Variants in SAMTOR observed in about 807,000 individuals in gnomAD.
SAMTOR encodes the protein UPF0532 protein C7orf60.
the SAMTOR span, among the ~76,000 whole-genome samples, chr7:112,837,820 A>C: frequency 4.6e-5 from 7 of 151,944 alleles, no homozygotes; most frequent in Non-Finnish European, 8.8e-5. Flanking sequence ...TAACATTTTC[A>C]TCAATACATA....
At chr7:112,876,496 T>C in the SAMTOR span, among the ~76,000 whole-genome samples, 1 of 152,180 alleles carries the variant, frequency 6.6e-6, no homozygotes, top group Admixed American at 6.5e-5. Flanking sequence ...GAAATAACGC[T>C]AAGTTCAGCA....
At chr7:112,877,829 CA>C in the SAMTOR span, among the ~76,000 whole-genome samples, 759 of 152,248 alleles carry the variant, frequency 5.0e-3, 3 homozygotes, top group Middle Eastern at 0.034. Context: ...CGAAGTCCCC[CA>C]AACTTGCTCC....
chr7:112,934,124 C>T, the SAMTOR span, among the ~76,000 whole-genome samples: 10 of 152,172 alleles, frequency 6.6e-5, no homozygotes, highest in South Asian at 2.1e-4. Flanking sequence ...TACAGTTCTA[C>T]TACTGTGTTG....
At chr7:112,846,206 T>C in the SAMTOR span, among the ~76,000 whole-genome samples, 1 of 150,132 alleles carries the variant, frequency 6.7e-6, no homozygotes, top group African/African-American at 2.5e-5. Context: ...GGTATAGCTA[T>C]CCTGGTTTCT....
chr7:112,892,290 G>A, the SAMTOR span, among the ~76,000 whole-genome samples: 14 of 151,972 alleles, frequency 9.2e-5, no homozygotes, highest in African/African-American at 3.1e-4. Flanking sequence ...TCATCCATGA[G>A]GCTTGGAATA....
At chr7:112,851,132 T>TA in the SAMTOR span, among the ~76,000 whole-genome samples, 1 of 152,148 alleles carries the variant, frequency 6.6e-6, no homozygotes, top group East Asian at 1.9e-4. Context: ...TCAATATTGT[T>TA]AAAATGACTA....
the SAMTOR span, among the ~76,000 whole-genome samples, chr7:112,916,284 C>T: frequency 5.3e-5 from 8 of 152,254 alleles, no homozygotes; most frequent in African/African-American, 1.9e-4. Context: ...TAGGAGAATG[C>T]TATTGCTAAA....
At chr7:112,822,076 C>G in the SAMTOR span, 2 of 1,613,616 alleles carry the variant, frequency 1.2e-6, no homozygotes, top group Non-Finnish European at 1.7e-6. Flanking sequence ...GACTCTATAG[C>G]AATCTTCCAG....
the SAMTOR span, among the ~76,000 whole-genome samples, chr7:112,916,978 GGCCTGCCT>G: frequency 1.3e-5 from 2 of 152,324 alleles, no homozygotes; most frequent in East Asian, 3.9e-4. Context: ...AGCTCAAGGA[GGCCTGCCT>G]GCCTGCCTCT....
At chr7:112,930,947 A>G in the SAMTOR span, among the ~76,000 whole-genome samples, 1 of 152,212 alleles carries the variant, frequency 6.6e-6, no homozygotes, top group South Asian at 2.1e-4. Flanking sequence ...ACTTTCATGG[A>G]TATGAGCAAA....
chr7:112,934,864 T>C, the SAMTOR span, among the ~76,000 whole-genome samples: 1 of 152,234 alleles, frequency 6.6e-6, no homozygotes, highest in Non-Finnish European at 1.5e-5. Flanking sequence ...AACGATACCT[T>C]GTCACAAAGA....
chr7:112,828,890 T>C, the SAMTOR span, among the ~76,000 whole-genome samples: 1 of 152,146 alleles, frequency 6.6e-6, no homozygotes, highest in African/African-American at 2.4e-5. Flanking sequence ...CTAGGTGACT[T>C]TTTCCTTCAG....
the SAMTOR span, among the ~76,000 whole-genome samples, chr7:112,864,312 A>T: frequency 0.63 from 95,709 of 151,968 alleles, 32,381 homozygotes; most frequent in East Asian, 0.86. Context: ...TGATGAAATA[A>T]TCTGTACAAC....
the SAMTOR span, among the ~76,000 whole-genome samples, chr7:112,911,802 G>T: frequency 6.6e-6 from 1 of 151,852 alleles, no homozygotes; most frequent in Non-Finnish European, 1.5e-5. Flanking sequence ...GTTAATGATA[G>T]ATAAAAAAGC....
At chr7:112,837,903 G>A in the SAMTOR span, among the ~76,000 whole-genome samples, 34 of 151,976 alleles carry the variant, frequency 2.2e-4, no homozygotes, top group Middle Eastern at 3.4e-3. Context: ...CATTGAACTC[G>A]TGGCCAACAG....
chr7:112,908,985 C>T, the SAMTOR span, among the ~76,000 whole-genome samples: 21 of 152,200 alleles, frequency 1.4e-4, no homozygotes, highest in African/African-American at 5.1e-4. Flanking sequence ...GGTACTCCCA[C>T]CAGTTCCATG....
the SAMTOR span, among the ~76,000 whole-genome samples, chr7:112,883,796 C>G: frequency 6.6e-6 from 1 of 152,310 alleles, no homozygotes; most frequent in Admixed American, 6.5e-5. Flanking sequence ...TTTCTGACTT[C>G]CCACTATTTT....
At chr7:112,928,298 T>C in the SAMTOR span, among the ~76,000 whole-genome samples, 1 of 152,128 alleles carries the variant, frequency 6.6e-6, no homozygotes, top group East Asian at 1.9e-4. Flanking sequence ...AATTAACCTC[T>C]CTCCTGCCAT....
the SAMTOR span, among the ~76,000 whole-genome samples, chr7:112,865,098 A>G: frequency 6.6e-6 from 1 of 152,118 alleles, no homozygotes; most frequent in Non-Finnish European, 1.5e-5. Flanking sequence ...TGTAGTTCAC[A>G]TTTCATCTTT....
Sources: gnomAD v4.1 joint callset for allele counts (sites outside exome capture counted in the v4.1 genomes callset) on GRCh38, gnomAD v4.1.1 for gene constraint, MANE v1.5 for transcripts, NCBI Gene and HGNC (gene_info 2026-07-23, HGNC 2026-07-21) for gene names.